SLC25A31: variants seen among roughly 807,000 people sequenced by gnomAD.
The protein encoded by SLC25A31 is ADP/ATP translocase 4.
In SLC25A31, 40 loss-of-function variants were observed where a neutral mutation model predicts 36.2. That is an observed-to-expected ratio of 1.10 (90% CI 0.86 to 1.44). The LOEUF (loss-of-function observed/expected upper bound fraction) is 1.44. Ranked by LOEUF, SLC25A31 falls within the 40% of genes most tolerant of loss-of-function variation. The pLI is 0.00. For missense variants in SLC25A31, 350 were observed against 397.1 expected (o/e 0.88, Z 1.01); for synonymous variants, 143 against 149.7 (o/e 0.96, Z 0.32).
intron 2 of SLC25A31, among the ~76,000 whole-genome samples, chr4:127,757,027 C>G (rs1732044093): frequency 6.6e-6 from 1 of 152,196 alleles, no homozygotes; most frequent in Non-Finnish European, 1.5e-5. Context: ...TGTTCAGTAG[C>G]AGCTTTTCTT....
rs988738469 is a variant in SLC25A31, at chr4:127,773,440, T to C, written c.814T>C (p.Tyr272His). 1.9e-6 allele frequency: 3 copies of C among 1,614,174 alleles called. No homozygotes were observed. The highest frequency in any genetic ancestry group is 1.3e-5 in the African/African-American group (1 of 75,060). Residue 272 changes from tyrosine (Y) to histidine (H), a missense_variant, in exon 6 of 6, where the codon TAC (tyrosine) becomes CAC (histidine). Transcript: ENST00000281154. ...KGTLDCFVKI[Y>H]QHEGISSFFR... is the part of the protein sequence containing the mutation. ...AACCTTAGACTGCTTTGTGAAGATA[T>C]ACCAACATGAAGGAATCAGTTCCTT... is the stretch of plus-strand genomic sequence containing the variant.
chr4:127,737,828 G>A (rs141792789), intron 1 of SLC25A31, among the ~76,000 whole-genome samples: 85 of 152,004 alleles, frequency 5.6e-4, no homozygotes, highest in Middle Eastern at 3.4e-3. Flanking sequence ...CAAGCCATTG[G>A]GATTACAGGC....
intron 2 of SLC25A31, among the ~76,000 whole-genome samples, chr4:127,756,925 C>T (rs1732041558): frequency 6.6e-6 from 1 of 152,172 alleles, no homozygotes; most frequent in African/African-American, 2.4e-5. Context: ...AACTAACATG[C>T]ACCCACCGTA....
chr4:127,771,586 C>T (rs894305510), intron 5 of SLC25A31, among the ~76,000 whole-genome samples: 1 of 152,134 alleles, frequency 6.6e-6, no homozygotes. Context: ...TCAATTCTTA[C>T]ACCTTTTATT....
At chr4:127,743,779 C>T (rs1007513707) in intron 1 of SLC25A31, among the ~76,000 whole-genome samples, 4 of 152,194 alleles carry the variant, frequency 2.6e-5, no homozygotes, top group African/African-American at 9.7e-5. Context: ...TTATCTTTCC[C>T]TCTATGTACT....
chr4:127,747,644 G>A (rs376619696), intron 2 of SLC25A31, among the ~76,000 whole-genome samples: 1 of 152,120 alleles, frequency 6.6e-6, no homozygotes, highest in East Asian at 1.9e-4. Flanking sequence ...TTTATTATGA[G>A]GTTTAGATGA....
intron 2 of SLC25A31, among the ~76,000 whole-genome samples, chr4:127,763,561 G>A (rs1384277654): frequency 6.6e-6 from 1 of 152,168 alleles, no homozygotes; most frequent in African/African-American, 2.4e-5. Context: ...CATTTTAAAT[G>A]TTGATCAAAA....
At chr4:127,768,943 AAATTT>A (rs1282316505) in intron 5 of SLC25A31, 66 bp downstream of exon 5, 1 of 1,426,226 alleles carries the variant, frequency 7.0e-7, no homozygotes, top group Admixed American at 2.5e-5. Context: ...AGGTATAATC[AAATTT>A]AAGAGAAATG....
chr4:127,765,410 T>C (rs1229158339), intron 3 of SLC25A31, among the ~76,000 whole-genome samples: 2 of 152,198 alleles, frequency 1.3e-5, no homozygotes, highest in Non-Finnish European at 2.9e-5. Flanking sequence ...ATTTTGTAGA[T>C]TTCATTCTGT....
intron 2 of SLC25A31, 92 bp from the exon 3 acceptor site, chr4:127,764,151 G>GTT: frequency 9.2e-7 from 1 of 1,086,180 alleles, no homozygotes. Flanking sequence ...TAAATCTGGT[G>GTT]TTTTAACATT....
intron 2 of SLC25A31, among the ~76,000 whole-genome samples, chr4:127,745,531 T>G (rs1375922195): frequency 6.6e-6 from 1 of 152,166 alleles, no homozygotes; most frequent in Non-Finnish European, 1.5e-5. Flanking sequence ...CATCTCCCAC[T>G]CCTGCCTCAG....
intron 2 of SLC25A31, among the ~76,000 whole-genome samples, chr4:127,757,869 T>C (rs551670778): frequency 1.3e-5 from 2 of 152,194 alleles, no homozygotes; most frequent in Non-Finnish European, 2.9e-5. Flanking sequence ...ATTTCTCTGA[T>C]GATTAGTGTA....
intron 2 of SLC25A31, among the ~76,000 whole-genome samples, chr4:127,761,092 C>T (rs184180569): frequency 5.3e-4 from 81 of 152,246 alleles, no homozygotes; most frequent in African/African-American, 1.8e-3. Flanking sequence ...AATGCAGGAT[C>T]GTCACTCAGC....
chr4:127,773,366 C>T lies in SLC25A31; in HGVS notation c.760-20C>T. 6.3e-7 allele frequency: 1 copy of T among 1,587,270 alleles called. No individual in the cohort carries two copies. The highest frequency in any genetic ancestry group is 2.2e-5 in the East Asian group (1 of 44,616). ...AAAGATATTCAGATAATGGAAAACC[C>T]TTTGTTTTTCTTTGTATAGAGTGGT... On this transcript the variant is annotated intron_variant, in intron 5 of 5. Transcript: ENST00000281154.
chr4:127,738,483 T>C (rs1278156954), intron 1 of SLC25A31, among the ~76,000 whole-genome samples: 1 of 152,230 alleles, frequency 6.6e-6, no homozygotes, highest in African/African-American at 2.4e-5. Flanking sequence ...ATGGTTGATA[T>C]AATTTCTATT....
chr4:127,763,978 G>T (rs935426667), intron 2 of SLC25A31, among the ~76,000 whole-genome samples: 4 of 152,096 alleles, frequency 2.6e-5, no homozygotes, highest in Non-Finnish European at 5.9e-5. Flanking sequence ...AATTTGGGCT[G>T]CTTTGCTGGA....
intron 1 of SLC25A31, among the ~76,000 whole-genome samples, chr4:127,740,672 C>G (rs920642068): frequency 2.0e-5 from 3 of 152,196 alleles, no homozygotes; most frequent in African/African-American, 7.2e-5. Flanking sequence ...GGCTGCTGAT[C>G]ATGGCAAGTA....
chr4:127,747,312 A>G (rs1382472972), intron 2 of SLC25A31, among the ~76,000 whole-genome samples: 1 of 152,210 alleles, frequency 6.6e-6, no homozygotes, highest in Non-Finnish European at 1.5e-5. Context: ...TGTCATTGGT[A>G]GTTTGATAGG....
chr4:127,732,886 G>A (rs948509699), intron 1 of SLC25A31, among the ~76,000 whole-genome samples: 8 of 152,010 alleles, frequency 5.3e-5, no homozygotes, highest in Non-Finnish European at 1.2e-4. Context: ...AAAGATAGAG[G>A]GGTATAATCC....
Sources: gnomAD v4.1 joint callset for allele counts (sites outside exome capture counted in the v4.1 genomes callset) on GRCh38, gnomAD v4.1.1 for gene constraint, MANE v1.5 for transcripts, NCBI Gene and HGNC (gene_info 2026-07-23, HGNC 2026-07-21) for gene names.